Variants in NF1 observed in about 807,000 individuals in gnomAD.
NF1 encodes neurofibromin 1, also known as neurofibromin.
NF1 carries 122 observed loss-of-function variants against 325.7 expected under a neutral mutation model. The observed-to-expected ratio is 0.37, with a 90% confidence interval of 0.32 to 0.44. The LOEUF (loss-of-function observed/expected upper bound fraction) is 0.44. Among genes scored for constraint, NF1 ranks in the 20% least tolerant of loss-of-function variants. NF1 has a pLI of 1.00. For missense variants in NF1, 2,140 were observed against 3,415.4 expected (o/e 0.63, Z 9.31); for synonymous variants, 1,091 against 1,186.0 (o/e 0.92, Z 1.65).
chr17:31,140,777 T>C (rs2143528082), intron 1 of NF1, among the ~76,000 whole-genome samples: 1 of 152,330 alleles, frequency 6.6e-6, no homozygotes, highest in East Asian at 1.9e-4. Context: ...TTATTCAGCC[T>C]TTAAAAAGAA....
chr17:31,220,472 A>G (rs930707558), intron 14 of NF1, among the ~76,000 whole-genome samples: 2 of 152,172 alleles, frequency 1.3e-5, no homozygotes, highest in African/African-American at 4.8e-5. Flanking sequence ...ATATAACTCA[A>G]AAGGAAAAAG....
chr17:31,250,972 T>C (rs571613134), intron 30 of NF1: 1 of 191,980 alleles, frequency 5.2e-6, no homozygotes, highest in Non-Finnish European at 1.1e-5. Flanking sequence ...GGTAAAAGCA[T>C]TGTTGAAGAG....
chr17:31,198,425 T>C (rs1403238285), intron 8 of NF1, among the ~76,000 whole-genome samples: 3 of 152,206 alleles, frequency 2.0e-5, no homozygotes, highest in East Asian at 1.9e-4. Context: ...TACTGATTAA[T>C]CCCTTTACTA....
At position 31,219,003 on chromosome 17, in the gene NF1, A is replaced by G. The variant is rs1368005133; in HGVS notation, c.1528-2A>G. On this transcript the variant is annotated splice_acceptor_variant, in intron 13 of 57. Transcript: ENST00000358273. LOFTEE classifies it high-confidence loss of function. Reference sequence around the variant, plus strand: ...ATTGAAGTTTCCTTTTTTTCCTTGCAGAATCCAAGAAAACAGGGGCCCGAA... The same window carrying G: ...ATTGAAGTTTCCTTTTTTTCCTTGCGGAATCCAAGAAAACAGGGGCCCGAA... The G allele has an allele frequency of 6.2e-7, 1 of 1,611,652 alleles. No individual in the cohort carries two copies. The highest frequency in any genetic ancestry group is 1.1e-5 in the South Asian group (1 of 90,716).
At chr17:31,340,339 T>G (rs2069783808) in intron 46 of NF1, 166 bp from the exon 47 acceptor site, 1 of 779,856 alleles carries the variant, frequency 1.3e-6, no homozygotes. Context: ...TGTCTTTAGT[T>G]ATACATATGG....
At chr17:31,358,662 G>A (rs751695691) in intron 55 of NF1, 40 bp downstream of exon 55, 1 of 1,610,400 alleles carries the variant, frequency 6.2e-7, no homozygotes, top group Non-Finnish European at 8.5e-7. Flanking sequence ...TGATGAACTT[G>A]CTAACATGCG....
chr17:31,230,132 T>C, intron 22 of NF1, 128 bp from the exon 23 acceptor site: 1 of 1,421,298 alleles, frequency 7.0e-7, no homozygotes, highest in South Asian at 1.2e-5. Flanking sequence ...GTACGTTCTT[T>C]TCTAAATAAA....
intron 8 of NF1, among the ~76,000 whole-genome samples, chr17:31,187,264 T>C (rs534203332): frequency 2.0e-5 from 3 of 152,320 alleles, no homozygotes; most frequent in Admixed American, 6.5e-5. Context: ...AGTGGCGCGA[T>C]CTCGGCTCAC....
chr17:31,107,365 G>A (rs1456272316), intron 1 of NF1, among the ~76,000 whole-genome samples: 1 of 152,100 alleles, frequency 6.6e-6, no homozygotes, highest in Non-Finnish European at 1.5e-5. Context: ...GATCAACGAA[G>A]ACCTGAAGCT....
At chr17:31,358,948 G>A (rs2070338609) in intron 55 of NF1, 21 bp from the exon 56 acceptor site, 1 of 1,609,866 alleles carries the variant, frequency 6.2e-7, no homozygotes, top group Admixed American at 1.7e-5. Context: ...TGTTATAAGA[G>A]TAAAATTTGA....
chr17:31,134,498 A>G (rs1386184546), intron 1 of NF1, among the ~76,000 whole-genome samples: 1 of 152,158 alleles, frequency 6.6e-6, no homozygotes, highest in Non-Finnish European at 1.5e-5. Flanking sequence ...ATTATTCCCA[A>G]ATGTAGCCGT....
intron 36 of NF1, among the ~76,000 whole-genome samples, chr17:31,267,626 C>T (rs1053865281): frequency 5.9e-5 from 9 of 152,162 alleles, no homozygotes; most frequent in Admixed American, 3.3e-4. Flanking sequence ...TTTGACTTCT[C>T]TTTTGATATT....
At chr17:31,262,582 T>TA (rs2067703686) in intron 35 of NF1, among the ~76,000 whole-genome samples, 1 of 152,202 alleles carries the variant, frequency 6.6e-6, no homozygotes, top group African/African-American at 2.4e-5. Context: ...GATGAGAAGT[T>TA]AAAGATTTGT....
At chr17:31,134,093 A>G (rs562554658) in intron 1 of NF1, among the ~76,000 whole-genome samples, 2 of 152,152 alleles carry the variant, frequency 1.3e-5, no homozygotes, top group Admixed American at 6.5e-5. Context: ...AGCTCACTGC[A>G]TCTTCGAACT....
At chr17:31,252,700 A>G (rs2067516756) in intron 30 of NF1, 3 of 490,488 alleles carry the variant, frequency 6.1e-6, no homozygotes, top group Non-Finnish European at 1.1e-5. Flanking sequence ...ATAGCCAGAA[A>G]TAGTAGACAT....
chr17:31,149,091 T>G (rs1307095541), intron 1 of NF1, among the ~76,000 whole-genome samples: 1 of 152,068 alleles, frequency 6.6e-6, no homozygotes, highest in African/African-American at 2.4e-5. Context: ...ACATACTGTG[T>G]ATATTTTCTC....
At chr17:31,357,761 G>A (rs141164504) in intron 54 of NF1, 3 of 263,712 alleles carry the variant, frequency 1.1e-5, no homozygotes, top group African/African-American at 4.5e-5. Flanking sequence ...GAGGTGAATT[G>A]TTTACTCTCT....
chr17:31,307,998 T>C, intron 36 of NF1: 3 of 1,070,396 alleles, frequency 2.8e-6, no homozygotes. Flanking sequence ...TTTTTTTCCC[T>C]ATACGAATAA....
chr17:31,167,554 T>C (rs2065865320), intron 4 of NF1, among the ~76,000 whole-genome samples: 1 of 152,334 alleles, frequency 6.6e-6, no homozygotes, highest in East Asian at 1.9e-4. Flanking sequence ...TTTCACCATA[T>C]CTCTATTGCT....
Sources: gnomAD v4.1 joint callset for allele counts (sites outside exome capture counted in the v4.1 genomes callset) on GRCh38, gnomAD v4.1.1 for gene constraint, MANE v1.5 for transcripts, NCBI Gene and HGNC (gene_info 2026-07-23, HGNC 2026-07-21) for gene names.